Variants in SOX5 observed in about 807,000 individuals in gnomAD.
SOX5 encodes SRY-box transcription factor 5, also known as transcription factor SOX-5.
Under a neutral mutation model 92.0 loss-of-function variants are expected in SOX5, and 9 were observed. The ratio of observed to expected loss-of-function variants is 0.10; its 90% CI spans 0.06 to 0.17. The LOEUF (loss-of-function observed/expected upper bound fraction) is 0.17. SOX5 is among the 10% of genes least tolerant of loss of function. The pLI, the probability that SOX5 is intolerant of heterozygous loss-of-function variation, is 1.00. For missense variants in SOX5, 642 were observed against 944.5 expected (o/e 0.68, Z 4.20); for synonymous variants, 344 against 336.3 (o/e 1.02, Z -0.25).
intron 4 of SOX5, among the ~76,000 whole-genome samples, chr12:23,993,786 G>T (rs1592147306): frequency 6.6e-6 from 1 of 152,112 alleles, no homozygotes; most frequent in Non-Finnish European, 1.5e-5. Context: ...CATTTTGGGA[G>T]GCCAAGGCAG....
At chr12:23,577,191 AT>A (rs1175798388) in intron 9 of SOX5, among the ~76,000 whole-genome samples, 961 of 61,386 alleles carry the variant, frequency 0.016, 8 homozygotes, top group African/African-American at 0.044. Context: ...ATATATATAT[AT>A]TTTTTTTTTT....
intron 11 of SOX5, among the ~76,000 whole-genome samples, chr12:23,550,440 A>G (rs1045271563): frequency 3.9e-5 from 6 of 151,934 alleles, no homozygotes; most frequent in African/African-American, 1.4e-4. Flanking sequence ...TTTAAGATAG[A>G]TATACTTTTA....
intron 1 of SOX5, among the ~76,000 whole-genome samples, chr12:24,514,906 T>TG (rs1336448808): frequency 1.3e-5 from 2 of 151,898 alleles, no homozygotes; most frequent in Non-Finnish European, 2.9e-5. Context: ...GGGTGGGGAA[T>TG]GGGAGGAGGG....
intron 3 of SOX5, among the ~76,000 whole-genome samples, chr12:23,835,187 C>T (rs529416060): frequency 8.6e-5 from 13 of 151,474 alleles, no homozygotes; most frequent in Non-Finnish European, 1.3e-4. Context: ...CGGTTGCCTT[C>T]GATTTGTTTA....
chr12:24,501,973 G>C (rs915069502), intron 1 of SOX5, among the ~76,000 whole-genome samples: 25 of 152,096 alleles, frequency 1.6e-4, no homozygotes, highest in African/African-American at 6.0e-4. Context: ...AAAAGACACA[G>C]ATGTAATGCT....
chr12:24,431,027 C>T (rs75391656), intron 1 of SOX5, among the ~76,000 whole-genome samples: 4,641 of 152,198 alleles, frequency 0.03, 105 homozygotes, highest in Admixed American at 0.044. Context: ...TCAAAATATG[C>T]CCCCCTTCCC....
At chr12:24,221,732 T>C (rs1481425614) in intron 3 of SOX5, among the ~76,000 whole-genome samples, 2 of 152,204 alleles carry the variant, frequency 1.3e-5, no homozygotes, top group East Asian at 1.9e-4. Flanking sequence ...ATGTATTAAA[T>C]AGCAACAAGT....
Position 24,461,795 on chromosome 12 carries a change from CTTTAAAG to C in SOX5, c.-250-93163_-250-93157del, listed in dbSNP as rs561722762. On this transcript the variant is annotated intron_variant, in intron 1 of 4. Transcript: ENST00000446891. ...ATCTTTCTCTTGAATAGCTTCAATG[CTTTAAAG>C]TTTATAATAACTACAAATCAATTTT... 1.9e-3 allele frequency among the ~76,000 whole-genome samples: 286 copies of C among 152,258 alleles called. 2 individuals are homozygous for C. The highest frequency in any genetic ancestry group is 6.7e-3 in the African/African-American group (280 of 41,570).
At chr12:23,569,848 T>A (rs977451875) in intron 10 of SOX5, among the ~76,000 whole-genome samples, 4 of 152,258 alleles carry the variant, frequency 2.6e-5, no homozygotes, top group African/African-American at 9.6e-5. Context: ...CAAAACCTTG[T>A]GAATGTTTTT....
chr12:24,202,119 A>G (rs1957576210), intron 4 of SOX5, among the ~76,000 whole-genome samples: 1 of 152,226 alleles, frequency 6.6e-6, no homozygotes, highest in African/African-American at 2.4e-5. Context: ...CTAGCAAAAT[A>G]TAAAAGTATA....
chr12:24,528,862 G>A (rs1950937804), intron 1 of SOX5, among the ~76,000 whole-genome samples: 1 of 152,194 alleles, frequency 6.6e-6, no homozygotes, highest in Non-Finnish European at 1.5e-5. Flanking sequence ...TGAAAGCCTG[G>A]ATGTTATAGC....
In SOX5 at chr12:23,858,175, G is replaced by A. The variant is rs370606788; in HGVS notation, c.271-11982C>T. ...TGTATGTTACTTTCCTATGAGAAGC[G>A]CTAAAAAATAATAATAATAAATCAC... is the stretch of plus-strand genomic sequence containing the variant. On this transcript the variant is annotated intron_variant, in intron 2 of 14. Coordinates refer to ENST00000451604, the MANE Select transcript of SOX5 (RefSeq NM_006940.6). Among the ~76,000 whole-genome samples, 25 of 151,572 alleles carry A rather than the reference G, an allele frequency of 1.6e-4. 1 individual carries two copies. The East Asian group carries it at 1.9e-3, about 12-fold the overall frequency.
chr12:24,254,943 A>G (rs371075421), intron 3 of SOX5, among the ~76,000 whole-genome samples: 60 of 152,216 alleles, frequency 3.9e-4, no homozygotes, highest in African/African-American at 1.4e-3. Flanking sequence ...GAGGTAAGAA[A>G]CAGAAGAGGA....
intron 10 of SOX5, among the ~76,000 whole-genome samples, chr12:23,564,733 G>T (rs959646693): frequency 6.6e-6 from 1 of 152,198 alleles, no homozygotes; most frequent in Non-Finnish European, 1.5e-5. Context: ...TTAGGAAAGT[G>T]TTATTAATAC....
chr12:23,992,058 A>T (rs1052494090), intron 4 of SOX5, among the ~76,000 whole-genome samples: 3 of 152,266 alleles, frequency 2.0e-5, no homozygotes, highest in Admixed American at 6.5e-5. Context: ...TAAGAAATTG[A>T]CAGCCCTCAG....
chr12:23,937,931 C>CA (rs1942935975), intron 1 of SOX5, among the ~76,000 whole-genome samples: 1 of 150,544 alleles, frequency 6.6e-6, no homozygotes, highest in African/African-American at 2.4e-5. Context: ...ACTTAAGTGC[C>CA]AAGCAGATGG....
intron 1 of SOX5, among the ~76,000 whole-genome samples, chr12:24,506,476 T>C (rs906295578): frequency 1.3e-5 from 2 of 151,874 alleles, no homozygotes; most frequent in Admixed American, 1.3e-4. Context: ...GTAGTTTGTG[T>C]TTTACTGAAT....
In SOX5 at chr12:24,476,828, A is replaced by T. The variant is rs1945434173; in HGVS notation, c.-251+85501T>A. Among the ~76,000 whole-genome samples the T allele has an allele frequency of 2.0e-5, 3 of 152,116 alleles. No homozygotes were observed. The South Asian group carries it at 6.2e-4, about 32-fold the overall frequency. On this transcript the variant is annotated intron_variant, in intron 1 of 4. Transcript: ENST00000446891. ...AATATCTACCATAGAGACTGAATAA[A>T]GTGATACTGAAGAACTAGTCTGTGA...
intron 4 of SOX5, among the ~76,000 whole-genome samples, chr12:24,138,479 G>A (rs1171399653): frequency 6.6e-6 from 1 of 152,198 alleles, no homozygotes; most frequent in Non-Finnish European, 1.5e-5. Flanking sequence ...AGCCAGTGGT[G>A]TTTTGGTTTA....
Sources: allele counts gnomAD v4.1 joint callset (sites outside exome capture counted in the v4.1 genomes callset), GRCh38; gene constraint gnomAD v4.1.1; transcripts MANE v1.5; gene names NCBI Gene and HGNC (gene_info 2026-07-23, HGNC 2026-07-21).